The following SLC5A9 variants were observed in gnomAD, a reference collection of about 807,000 sequenced individuals.
SLC5A9 encodes the protein sodium/glucose cotransporter 4.
SLC5A9 carries 59 observed loss-of-function variants against 70.9 expected under a neutral mutation model. The ratio of observed to expected loss-of-function variants is 0.83; its 90% CI spans 0.68 to 1.03. SLC5A9 has a LOEUF of 1.03. Ranked by LOEUF, SLC5A9 falls within the 50% of genes least tolerant of loss-of-function variation. The pLI is 0.00. For synonymous variants in SLC5A9, 340 were observed against 346.5 expected (o/e 0.98, Z 0.21); for missense variants, 832 against 881.1 (o/e 0.94, Z 0.71).
chr1:48,229,181 T>C, intron 3 of SLC5A9, 114 bp from the exon 4 acceptor site: 1 of 1,614,040 alleles, frequency 6.2e-7, no homozygotes, highest in South Asian at 1.1e-5. Flanking sequence ...GTCCCAGGTC[T>C]CTTATTTCTC....
Position 48,242,500 on chromosome 1 carries a change from A to C in SLC5A9, c.1721A>C (p.Glu574Ala). ...TGGACTCGGAACTGCCCCCTCTCTG[A>C]GCTGGAGAAGGAGGCCCACGAGAGC... ...TWWTRNCPLS[E>A]LEKEAHESTP... is the part of the protein sequence containing the mutation. Residue 574 changes from glutamate (E) to alanine (A), a missense_variant, in exon 13 of 14, where the codon GAG (glutamate) becomes GCG (alanine). Glu to Ala is a moderately radical substitution (Grantham distance 107). Transcript: ENST00000438567. 6.2e-7 allele frequency: 1 copy of C among 1,612,884 alleles called. No homozygotes were observed.
chr1:48,233,190 G>T (rs779333034), intron 8 of SLC5A9, among the ~76,000 whole-genome samples: 1 of 151,624 alleles, frequency 6.6e-6, no homozygotes, highest in Non-Finnish European at 1.5e-5. Context: ...GTAAAACCCC[G>T]TCTCTACTAA....
rs921948183 is a variant in SLC5A9 at position 48,231,790 on chromosome 1, A to T, written c.692-156A>T. On this transcript the variant is annotated intron_variant, in intron 6 of 13. Coordinates refer to ENST00000438567, the MANE Select transcript of SLC5A9 (RefSeq NM_001011547.3). ...CAAAGAGCAGGGTTCTCGCTACTTC[A>T]AACCAAGGGTCTTGAGCCCAAGCCC... is the stretch of plus-strand genomic sequence containing the variant. The T allele has an allele frequency of 5.3e-6, 8 of 1,505,272 alleles. No individual in the cohort carries two copies. In the African/African-American group the frequency reaches 6.9e-5, roughly 13 times the overall value. The allele number at this position is 1,505,272 out of a possible 1,614,324, so 93.2% of individuals were successfully genotyped here.
At chr1:48,237,424 G>T (rs1283428878) in intron 10 of SLC5A9, among the ~76,000 whole-genome samples, 2 of 152,010 alleles carry the variant, frequency 1.3e-5, no homozygotes, top group African/African-American at 4.8e-5. Context: ...ACATGACCTT[G>T]AAGCCGTCTA....
intron 1 of SLC5A9, 90 bp downstream of exon 1, chr1:48,222,988 A>G: frequency 7.5e-7 from 1 of 1,329,234 alleles, no homozygotes; most frequent in South Asian, 1.3e-5. Flanking sequence ...AGGGCTAGGC[A>G]GAAAGAAGCA....
Position 48,222,777 on chromosome 1 carries a change from G to C in SLC5A9, c.41G>C (p.Gly14Ala), listed in dbSNP as rs199930500. 1.9e-6 allele frequency: 3 copies of C among 1,614,168 alleles called. No homozygotes were observed. In the African/African-American group the frequency reaches 4.0e-5, roughly 22 times the overall value. ...ELAAMGPGAS[G>A]DGVRTETAPH... Reference sequence around the variant, plus strand: ...GCAGCAATGGGGCCTGGAGCTTCAGGGGACGGGGTCAGGACTGAGACAGCT... The same window carrying C: ...GCAGCAATGGGGCCTGGAGCTTCAGCGGACGGGGTCAGGACTGAGACAGCT... Residue 14 changes from glycine to alanine, a missense_variant, in exon 1 of 14, where the codon GGG becomes GCG. Physicochemically the swap from Gly to Ala is moderately conservative, Grantham distance 60. Coordinates refer to ENST00000438567, the MANE Select transcript of SLC5A9 (RefSeq NM_001011547.3).
In SLC5A9 at chr1:48,242,606, G is replaced by T. The variant is rs75538709; in HGVS notation, c.1827G>T (p.Glu609Asp). 1.2e-6 allele frequency: 2 copies of T among 1,610,592 alleles called. No homozygotes were observed. Among genetic ancestry groups the T allele is most frequent in the South Asian group, 2.2e-5 (2 of 90,760 alleles). The change falls in exon 13 of 14, where the codon GAG (glutamate) becomes GAT (aspartate). Residue 609 changes from glutamate to aspartate, a missense_variant. Coordinates refer to ENST00000438567, the MANE Select transcript of SLC5A9 (RefSeq NM_001011547.3). ...GAAENSSLGQ[E>D]QPEAPSRSWG... Reference sequence around the variant, plus strand: ...CAGAGAACTCGAGCCTGGGCCAGGAGCAGCCTGAAGGTAGGCTGCGGCAGG... The same window carrying T: ...CAGAGAACTCGAGCCTGGGCCAGGATCAGCCTGAAGGTAGGCTGCGGCAGG...
chr1:48,228,981 G>C (rs766505561), intron 3 of SLC5A9, 27 bp downstream of exon 3: 2 of 1,613,092 alleles, frequency 1.2e-6, no homozygotes, highest in African/African-American at 2.7e-5. Flanking sequence ...GGTTTCTCCA[G>C]AATACTGAGG....
At position 48,244,878 on chromosome 1, in the gene SLC5A9, G is replaced by GTGTGTATATATA. The variant is rs1391896495; in HGVS notation, c.1837+2263_1837+2264insGTGTATATATAT. Reference sequence around the variant, plus strand: ...TGTGTGTGTGTATGTATGTGTATGTGTATATATATATATATATATATATAT... The same window carrying GTGTGTATATATA: ...TGTGTGTGTGTATGTATGTGTATGTGTGTGTATATATATATATATATATATATATATATATAT... On this transcript the variant is annotated intron_variant, in intron 13 of 13. Transcript: ENST00000438567. Among the ~76,000 whole-genome samples the GTGTGTATATATA allele has an allele frequency of 2.4e-3, 72 of 29,392 alleles. 15 individuals carry two copies. The highest frequency in any genetic ancestry group is 0.014 in the Admixed American group (20 of 1,438). 19.3% of individuals were successfully genotyped at this position (29,392 alleles called of 152,430 possible). A position where few individuals can be genotyped will look rare whatever the true frequency, so the allele number is the denominator to read the frequency against.
At chr1:48,242,177 T>A in intron 12 of SLC5A9, 1 of 491,092 alleles carries the variant, frequency 2.0e-6, no homozygotes. Flanking sequence ...TTTGCCTCAG[T>A]CTGTAAAATC....
Position 48,235,841 on chromosome 1 carries a change from C to T in SLC5A9, c.1254C>T (p.Arg418=). Residue 418 remains arginine (R), a synonymous_variant, in exon 10 of 14, where the codon CGC becomes CGT. Transcript: ENST00000438567. ...CCATTGATGTGTGGCAGCGCTTCCGCAGGAAGTCAACAGAGCAGGAGCTGA... is the reference window on the plus strand; with the variant it reads ...CCATTGATGTGTGGCAGCGCTTCCGTAGGAAGTCAACAGAGCAGGAGCTGA... ...LFTIDVWQRF[R]RKSTEQELMV... The T allele has an allele frequency of 6.2e-7, 1 of 1,614,214 alleles. No individual in the cohort carries two copies. The highest frequency in any genetic ancestry group is 1.1e-5 in the South Asian group (1 of 91,084).
In SLC5A9 at chr1:48,229,533, C is replaced by T. The variant is rs114689965; in HGVS notation, c.504+74C>T. On this transcript the variant is annotated intron_variant, in intron 4 of 13. Coordinates refer to ENST00000438567, the MANE Select transcript of SLC5A9 (RefSeq NM_001011547.3). ...GAACTGCTGAGTGCATCACCATGTG[C>T]GTGTTGCTGAGGGGAAGCTGACAAT... The T allele has an allele frequency of 7.2e-4, 1,131 of 1,569,424 alleles. 5 individuals are homozygous for T. In the African/African-American group the frequency reaches 0.013, roughly 19 times the overall value.
chr1:48,226,684 C>T (rs992248697), intron 2 of SLC5A9, among the ~76,000 whole-genome samples: 15 of 152,198 alleles, frequency 9.9e-5, no homozygotes, highest in African/African-American at 2.2e-4. Flanking sequence ...TGCAGTCGCC[C>T]GTCCTCTTCC....
At chr1:48,224,662 G>C (rs948427586) in intron 1 of SLC5A9, 62 bp from the exon 2 acceptor site, 5 of 1,543,920 alleles carry the variant, frequency 3.2e-6, no homozygotes, top group Non-Finnish European at 4.5e-6. Flanking sequence ...TCTGCGGGGA[G>C]GGGGCAGGGC....
At chr1:48,235,167 C>A (rs564722605) in intron 9 of SLC5A9, among the ~76,000 whole-genome samples, 1 of 152,238 alleles carries the variant, frequency 6.6e-6, no homozygotes. Flanking sequence ...CCAGAAATGG[C>A]AAGGAGCTAG....
chr1:48,223,276 G>C (rs544301394), intron 1 of SLC5A9, among the ~76,000 whole-genome samples: 1 of 152,088 alleles, frequency 6.6e-6, no homozygotes, highest in Non-Finnish European at 1.5e-5. Flanking sequence ...TCCTGCATTC[G>C]TTAGCATCTT....
Position 48,239,579 on chromosome 1 carries a change from C to A in SLC5A9, c.1677+42C>A. On this transcript the variant is annotated intron_variant, in intron 12 of 13. Transcript: ENST00000438567. This position sits in a 1 kb window ranked among gnomAD's most constrained non-coding sequence, Gnocchi z 4.2. Reference sequence around the variant, plus strand: ...TACTGAGGCCCTCCAGAAATGCTCTCCCTTCCCCCATAGCCTAGAATTCCA... The same window carrying A: ...TACTGAGGCCCTCCAGAAATGCTCTACCTTCCCCCATAGCCTAGAATTCCA... 1.3e-6 allele frequency: 2 copies of A among 1,565,786 alleles called. No individual in the cohort carries two copies. Among genetic ancestry groups the A allele is most frequent in the Non-Finnish European group, 1.8e-6 (2 of 1,136,448 alleles).
At chr1:48,243,288 TTC>T (rs1307448020) in intron 13 of SLC5A9, among the ~76,000 whole-genome samples, 1 of 152,124 alleles carries the variant, frequency 6.6e-6, no homozygotes, top group East Asian at 1.9e-4. Context: ...ATACAGTTGT[TTC>T]TGTTTTCATG....
At position 48,231,942 on chromosome 1, in the gene SLC5A9, A is replaced by C. The variant is rs1569834393; in HGVS notation, c.692-4A>C. On this transcript the variant is annotated splice_region_variant and splice_polypyrimidine_tract_variant and intron_variant, in intron 6 of 13. Coordinates refer to ENST00000438567, the MANE Select transcript of SLC5A9 (RefSeq NM_001011547.3). ...GGGCTGCTTCACTCACTGTCTCCTC[A>C]CAGGCTTTCAGGACGTGGGCTGGTA... is the stretch of plus-strand genomic sequence containing the variant. The C allele has an allele frequency of 6.2e-7, 1 of 1,613,992 alleles. No individual in the cohort carries two copies. The highest frequency in any genetic ancestry group is 1.1e-5 in the South Asian group (1 of 91,068).
Sources: gnomAD v4.1 joint callset for allele counts (sites outside exome capture counted in the v4.1 genomes callset) on GRCh38, gnomAD v4.1.1 for gene constraint, Gnocchi (gnomAD v3.1) non-coding constraint, MANE v1.5 for transcripts, NCBI Gene and HGNC (gene_info 2026-07-23, HGNC 2026-07-21) for gene names.